The following GPHN variants were observed in gnomAD, a reference collection of about 807,000 sequenced individuals.
GPHN encodes the protein gephyrin.
A neutral mutation model predicts 95.5 loss-of-function variants in GPHN; 17 were observed. The observed-to-expected ratio is 0.18, with a 90% CI of 0.12 to 0.27. GPHN has a LOEUF of 0.27. Among genes scored for constraint, GPHN ranks in the 10% least tolerant of loss-of-function variants. The probability of loss-of-function intolerance (pLI) is 1.00; values close to 1 mark genes in which losing one functional copy is unlikely to be tolerated. For missense variants in GPHN, 660 were observed against 978.1 expected (o/e 0.67, Z 4.34); for synonymous variants, 320 against 322.5 (o/e 0.99, Z 0.08).
chr14:66,784,950 A>G (rs1013700514), intron 3 of GPHN, among the ~76,000 whole-genome samples: 1 of 152,264 alleles, frequency 6.6e-6, no homozygotes, highest in South Asian at 2.1e-4. Flanking sequence ...GATTTTTAAA[A>G]AATGATCCAA....
chr14:67,577,351 A>C, the GPHN span: 1 of 1,588,032 alleles, frequency 6.3e-7, no homozygotes, highest in Non-Finnish European at 8.6e-7. Context: ...AAGACGGCCT[A>C]TACGCCTCCC....
At chr14:67,167,127 T>C (rs1176721630) in intron 20 of GPHN, among the ~76,000 whole-genome samples, 1 of 152,208 alleles carries the variant, frequency 6.6e-6, no homozygotes, top group African/African-American at 2.4e-5. Context: ...TGCTCACTAT[T>C]GTAAAAATCA....
At chr14:67,653,846 T>C in the GPHN span, among the ~76,000 whole-genome samples, 1 of 152,372 alleles carries the variant, frequency 6.6e-6, no homozygotes, top group African/African-American at 2.4e-5. Context: ...TTGAATTTCA[T>C]CAGCCAAATT....
the GPHN span, among the ~76,000 whole-genome samples, chr14:67,224,396 C>A: frequency 3.3e-5 from 5 of 151,698 alleles, no homozygotes; most frequent in South Asian, 1.0e-3. Flanking sequence ...GTAGCTGGGA[C>A]TACAGATGCG....
chr14:67,151,540 C>T (rs914581989), intron 18 of GPHN, among the ~76,000 whole-genome samples: 5 of 152,282 alleles, frequency 3.3e-5, no homozygotes, highest in South Asian at 2.1e-4. Context: ...AAAATGAATA[C>T]GGAGGCCAAA....
the GPHN span, among the ~76,000 whole-genome samples, chr14:67,726,510 C>A: frequency 6.6e-6 from 1 of 152,156 alleles, no homozygotes; most frequent in Non-Finnish European, 1.5e-5. Context: ...CCAACCAAGC[C>A]ATGGGTTGGT....
At chr14:67,379,654 C>CTTTT in the GPHN span, among the ~76,000 whole-genome samples, 5 of 119,952 alleles carry the variant, frequency 4.2e-5, no homozygotes, top group South Asian at 3.0e-4. Flanking sequence ...TTTTCTTTTT[C>CTTTT]TTTTTTTTTT....
the GPHN span, chr14:67,577,995 G>T: frequency 6.2e-7 from 1 of 1,603,466 alleles, no homozygotes; most frequent in African/African-American, 1.3e-5. Context: ...ATGCTGGTCT[G>T]CCTGTGCTCA....
chr14:67,405,340 T>G, the GPHN span, among the ~76,000 whole-genome samples: 1 of 152,116 alleles, frequency 6.6e-6, no homozygotes, highest in Non-Finnish European at 1.5e-5. Context: ...AAAAATGAAT[T>G]TAAATTTAAA....
chr14:66,806,849 G>A (rs547487110), intron 3 of GPHN, among the ~76,000 whole-genome samples: 64 of 152,168 alleles, frequency 4.2e-4, no homozygotes, highest in African/African-American at 1.5e-3. Context: ...ACATTTTTCT[G>A]TCTTCTTTTT....
chr14:67,157,696 C>T (rs1373629153), intron 18 of GPHN, among the ~76,000 whole-genome samples: 1 of 151,956 alleles, frequency 6.6e-6, no homozygotes, highest in African/African-American at 2.4e-5. Context: ...TGGTGGCATG[C>T]ACCTGTAATC....
chr14:66,804,410 A>G (rs1354540692), intron 3 of GPHN, among the ~76,000 whole-genome samples: 2 of 152,230 alleles, frequency 1.3e-5, no homozygotes, highest in Admixed American at 6.5e-5. Context: ...TTGTTTTTCA[A>G]TTATTATGAA....
At chr14:67,529,205 C>A in the GPHN span, among the ~76,000 whole-genome samples, 1 of 152,150 alleles carries the variant, frequency 6.6e-6, no homozygotes, top group Non-Finnish European at 1.5e-5. Flanking sequence ...ACGAGGAACA[C>A]CTTCCCTCCC....
intron 19 of GPHN, among the ~76,000 whole-genome samples, chr14:67,160,118 C>T (rs1225416213): frequency 1.3e-5 from 2 of 152,004 alleles, no homozygotes; most frequent in Non-Finnish European, 2.9e-5. Flanking sequence ...CCATTAAGGT[C>T]GACTCAGTGT....
chr14:66,589,469 A>T (rs1260125582), intron 1 of GPHN, among the ~76,000 whole-genome samples: 1 of 151,524 alleles, frequency 6.6e-6, no homozygotes, highest in African/African-American at 2.4e-5. Flanking sequence ...GGACCCATTG[A>T]TGTGCTGTAT....
chr14:66,753,884 T>G (rs956607998), intron 2 of GPHN, among the ~76,000 whole-genome samples: 16 of 152,064 alleles, frequency 1.1e-4, no homozygotes, highest in African/African-American at 3.4e-4. Context: ...ACCTCCAGCT[T>G]AAGACTATGT....
intron 13 of GPHN, among the ~76,000 whole-genome samples, chr14:67,101,381 A>T (rs963187571): frequency 3.9e-5 from 6 of 152,152 alleles, no homozygotes; most frequent in Non-Finnish European, 8.8e-5. Flanking sequence ...GAAATGAAGC[A>T]ATAATAGGCC....
intron 5 of GPHN, among the ~76,000 whole-genome samples, chr14:66,888,113 T>C (rs1567062618): frequency 6.6e-6 from 1 of 152,150 alleles, no homozygotes; most frequent in Non-Finnish European, 1.5e-5. Context: ...TCAAAGAATT[T>C]TGAGACAACT....
the GPHN span, among the ~76,000 whole-genome samples, chr14:67,627,098 G>T: frequency 6.6e-6 from 1 of 152,132 alleles, no homozygotes; most frequent in East Asian, 1.9e-4. Context: ...CTTTCCGAAG[G>T]GTGATGGGAC....
Sources: gnomAD v4.1 joint callset for allele counts (sites outside exome capture counted in the v4.1 genomes callset) on GRCh38, gnomAD v4.1.1 for gene constraint, MANE v1.5 for transcripts, NCBI Gene and HGNC (gene_info 2026-07-23, HGNC 2026-07-21) for gene names.